The following SLCO3A1 variants were observed in gnomAD, a reference collection of about 807,000 sequenced individuals.
SLCO3A1 encodes PGE1 transporter.
In SLCO3A1, 27 loss-of-function variants were observed where a neutral mutation model predicts 63.1. The ratio of observed to expected loss-of-function variants is 0.43; its 90% CI spans 0.32 to 0.59. The LOEUF (loss-of-function observed/expected upper bound fraction) is 0.59. Among genes scored for constraint, SLCO3A1 ranks in the 20% least tolerant of loss-of-function variants. The pLI is 0.09. For missense variants in SLCO3A1, 773 were observed against 945.8 expected, an observed-to-expected ratio of 0.82 and a Z score of 2.40; for synonymous variants, 473 against 409.9, an observed-to-expected ratio of 1.15 and a Z score of -1.86.
chr15:91,912,955 A>G lies in SLCO3A1; in HGVS notation c.181-3038A>G, dbSNP rs143921454. Reference sequence around the variant, plus strand: ...TGCCACATTGCATCACCTATTATAAACCTCTGGTAAATCATTTATTCCATC... The same window carrying G: ...TGCCACATTGCATCACCTATTATAAGCCTCTGGTAAATCATTTATTCCATC... On this transcript the variant is annotated intron_variant, in intron 1 of 9. Coordinates refer to ENST00000318445, the MANE Select transcript of SLCO3A1 (RefSeq NM_013272.4). This position sits in a 1 kb window ranked among gnomAD's most constrained non-coding sequence, Gnocchi z 5.0. Among the ~76,000 whole-genome samples, 223 of 152,008 alleles carry G rather than the reference A, an allele frequency of 1.5e-3. No individual in the cohort carries two copies. Among genetic ancestry groups the G allele is most frequent in the African/African-American group, 5.3e-3 (221 of 41,430 alleles).
chr15:91,995,760 A>G (rs142134671), intron 2 of SLCO3A1, among the ~76,000 whole-genome samples: 2 of 150,166 alleles, frequency 1.3e-5, no homozygotes, highest in African/African-American at 4.9e-5. Flanking sequence ...AAACTTGTAC[A>G]TGTCTGTATA....
chr15:91,854,389 C>CT lies in SLCO3A1; in HGVS notation c.180+301_180+302insT, dbSNP rs201495459. The CT allele has an allele frequency of 9.5e-7, 1 of 1,055,354 alleles. No individual in the cohort carries two copies. The highest frequency in any genetic ancestry group is 1.1e-6 in the Non-Finnish European group (1 of 872,868). 65.4% of individuals were successfully genotyped at this position (1,055,354 alleles called of 1,614,324 possible). Reference sequence around the variant, plus strand: ...GTGGGCGTGAAACTATTCCTCTCCCCCCATAAGAGCGGAGCGAGACGGTGA... The same window carrying CT: ...GTGGGCGTGAAACTATTCCTCTCCCCTCCATAAGAGCGGAGCGAGACGGTGA... On this transcript the variant is annotated intron_variant, in intron 1 of 9. Coordinates refer to ENST00000318445, the MANE Select transcript of SLCO3A1 (RefSeq NM_013272.4). This position sits in a 1 kb window ranked among gnomAD's most constrained non-coding sequence, Gnocchi z 6.4.
chr15:92,128,509 G>A lies in SLCO3A1; in HGVS notation c.1512+20G>A. ...AGCACGGTAATGGGATGGGGCAGGG[G>A]ATGGGGCAGGGGATTCAGGCAGCTA... On this transcript the variant is annotated intron_variant, in intron 7 of 9. Coordinates refer to ENST00000318445, the MANE Select transcript of SLCO3A1 (RefSeq NM_013272.4). 6.2e-7 allele frequency: 1 copy of A among 1,604,200 alleles called. No individual in the cohort carries two copies. Among genetic ancestry groups the A allele is most frequent in the African/African-American group, 1.3e-5 (1 of 74,716 alleles).
At chr15:91,985,714 G>A (rs1270869052) in intron 2 of SLCO3A1, among the ~76,000 whole-genome samples, 1 of 152,208 alleles carries the variant, frequency 6.6e-6, no homozygotes, top group African/African-American at 2.4e-5. Flanking sequence ...CCCTGCACTA[G>A]TGCTCCTCAG....
At position 91,950,585 on chromosome 15, in the gene SLCO3A1, A is replaced by G. The variant is rs57312242; in HGVS notation, c.646+34127A>G. On this transcript the variant is annotated intron_variant, in intron 2 of 9. Coordinates refer to ENST00000318445, the MANE Select transcript of SLCO3A1 (RefSeq NM_013272.4). This position sits in a 1 kb window ranked among gnomAD's most constrained non-coding sequence, Gnocchi z 4.4. ...TGTCATCCGGTCTTTCTAGCCTCCT[A>G]AGAATGAGGTTCCTAGTTCTTACCT... 0.075 allele frequency among the ~76,000 whole-genome samples: 11,381 copies of G among 152,280 alleles called. 1,142 individuals are homozygous for G. Among genetic ancestry groups the G allele is most frequent in the African/African-American group, 0.23 (9,508 of 41,526 alleles).
At chr15:91,917,828 T>G (rs1276469758) in intron 2 of SLCO3A1, among the ~76,000 whole-genome samples, 1 of 152,222 alleles carries the variant, frequency 6.6e-6, no homozygotes, top group East Asian at 1.9e-4. Flanking sequence ...GACTACAGCA[T>G]GTAGCCACAA....
chr15:92,131,391 G>A (rs564302608), intron 7 of SLCO3A1, among the ~76,000 whole-genome samples: 1 of 103,872 alleles, frequency 9.6e-6, no homozygotes, highest in East Asian at 2.0e-4. Flanking sequence ...TTGAGACAGG[G>A]TCTCGCTCTG....
intron 2 of SLCO3A1, among the ~76,000 whole-genome samples, chr15:91,992,975 A>G (rs1447114210): frequency 2.0e-5 from 3 of 152,168 alleles, no homozygotes; most frequent in African/African-American, 7.2e-5. Context: ...AGTCTAAGGA[A>G]CCTTGAAGGG....
At chr15:92,017,197 G>T (rs1433979396) in intron 2 of SLCO3A1, among the ~76,000 whole-genome samples, 2 of 151,830 alleles carry the variant, frequency 1.3e-5, no homozygotes, top group Non-Finnish European at 2.9e-5. Flanking sequence ...GGAGAATGAG[G>T]GTTAAGATCT....
chr15:91,943,248 C>A (rs1207672838), intron 2 of SLCO3A1, among the ~76,000 whole-genome samples: 1 of 152,156 alleles, frequency 6.6e-6, no homozygotes, highest in Non-Finnish European at 1.5e-5. Context: ...TCCCCCTCCC[C>A]TCAGCCCTTG....
intron 1 of SLCO3A1, among the ~76,000 whole-genome samples, chr15:91,899,775 T>A (rs886250354): frequency 7.2e-5 from 11 of 152,204 alleles, no homozygotes; most frequent in African/African-American, 2.7e-4. Context: ...TCCTGCCCCA[T>A]CTCCATCTTC....
chr15:92,090,145 T>A (rs1311272169), intron 2 of SLCO3A1, among the ~76,000 whole-genome samples: 3 of 152,162 alleles, frequency 2.0e-5, no homozygotes, highest in African/African-American at 7.2e-5. Flanking sequence ...GCCACCCTCA[T>A]TTTCTGTGCA....
intron 2 of SLCO3A1, among the ~76,000 whole-genome samples, chr15:91,963,413 G>T (rs746517598): frequency 8.3e-4 from 87 of 104,482 alleles, no homozygotes; most frequent in Admixed American, 6.9e-3. Context: ...GAGGGTGGGG[G>T]GGGGGGGCGG....
rs1250431261 is a variant in SLCO3A1, at chr15:92,029,655, TC to T, written c.647-65222del. ...AAAGTACATTTTTGACTGTTTTTTT[TC>T]CCCTCCTTGTATTTTTTTTTTCCCA... On this transcript the variant is annotated intron_variant, in intron 2 of 9. Transcript: ENST00000318445. 2.0e-5 allele frequency among the ~76,000 whole-genome samples: 3 copies of T among 148,314 alleles called. No individual in the cohort carries two copies. In the South Asian group the frequency reaches 6.4e-4, roughly 31 times the overall value.
chr15:92,104,440 A>G lies in SLCO3A1; in HGVS notation c.907A>G (p.Met303Val). 4 of 1,614,146 alleles carry G rather than the reference A, an allele frequency of 2.5e-6. No individual in the cohort carries two copies. Among genetic ancestry groups the G allele is most frequent in the Non-Finnish European group, 3.4e-6 (4 of 1,180,036 alleles). The change falls in exon 4 of 10, where the codon ATG becomes GTG. Residue 303 changes from methionine to valine, a missense_variant. By Grantham distance (21) the Met-to-Val change is conservative. Coordinates refer to ENST00000318445, the MANE Select transcript of SLCO3A1 (RefSeq NM_013272.4). ...GCCCGCCATGGAAAGCGAGCAGGCC[A>G]TGCTCTCCGAAAGAGAATACGAGAG... ...SEPAMESEQA[M>V]LSEREYERPK...
chr15:92,000,004 A>G (rs1197383314), intron 2 of SLCO3A1, among the ~76,000 whole-genome samples: 1 of 152,238 alleles, frequency 6.6e-6, no homozygotes, highest in African/African-American at 2.4e-5. Flanking sequence ...TTTGATATGT[A>G]TAAGATAGAA....
At chr15:92,006,922 CCTTTA>C (rs2046319749) in intron 2 of SLCO3A1, among the ~76,000 whole-genome samples, 1 of 152,194 alleles carries the variant, frequency 6.6e-6, no homozygotes, top group Admixed American at 6.5e-5. Context: ...GAACCAGAGT[CCTTTA>C]CTTCAACAAA....
intron 7 of SLCO3A1, among the ~76,000 whole-genome samples, chr15:92,142,469 G>C (rs887052802): frequency 6.6e-6 from 1 of 152,140 alleles, no homozygotes; most frequent in Non-Finnish European, 1.5e-5. Context: ...GGCCTCTTCT[G>C]TAAGGACACT....
At chr15:91,975,546 G>A (rs1253288053) in intron 2 of SLCO3A1, among the ~76,000 whole-genome samples, 1 of 152,202 alleles carries the variant, frequency 6.6e-6, no homozygotes, top group Non-Finnish European at 1.5e-5. Context: ...TTCAAATGTT[G>A]GGTTCAGCCT....
Sources: gnomAD v4.1 joint callset for allele counts (sites outside exome capture counted in the v4.1 genomes callset) on GRCh38, gnomAD v4.1.1 for gene constraint, Gnocchi (gnomAD v3.1) non-coding constraint, MANE v1.5 for transcripts, NCBI Gene and HGNC (gene_info 2026-07-23, HGNC 2026-07-21) for gene names.